Variants in DRD2 observed in about 807,000 individuals in gnomAD.
The protein encoded by DRD2 is dopamine receptor D2.
Under a neutral mutation model 38.0 loss-of-function variants are expected in DRD2, and 8 were observed. The ratio of observed to expected loss-of-function variants is 0.21; its 90% CI spans 0.12 to 0.38. The LOEUF is 0.38. Among genes scored for constraint, DRD2 ranks in the 10% least tolerant of loss-of-function variants. The probability of loss-of-function intolerance (pLI) is 1.00; values close to 1 mark genes in which losing one functional copy is unlikely to be tolerated. For missense variants in DRD2, 403 were observed against 607.7 expected (o/e 0.66, Z 3.54); for synonymous variants, 230 against 238.6 (o/e 0.96, Z 0.33).
chr11:113,414,689 A>C (rs1247853205), intron 5 of DRD2, among the ~76,000 whole-genome samples: 1 of 152,206 alleles, frequency 6.6e-6, no homozygotes, highest in Non-Finnish European at 1.5e-5. Flanking sequence ...AGCACCTGCT[A>C]AGGGCCTGGC....
chr11:113,441,878 G>A (rs1274576833), intron 1 of DRD2, among the ~76,000 whole-genome samples: 1 of 151,658 alleles, frequency 6.6e-6, no homozygotes, highest in Non-Finnish European at 1.5e-5. Context: ...AACCAGGGCG[G>A]TGGAGGTTGC....
intron 1 of DRD2, among the ~76,000 whole-genome samples, chr11:113,466,430 C>G (rs944243657): frequency 3.8e-5 from 2 of 51,996 alleles, no homozygotes; most frequent in African/African-American, 6.5e-5. Flanking sequence ...AACAGCCCCC[C>G]CAGTGCATTT....
chr11:113,414,459 G>T lies in DRD2; in HGVS notation c.726C>A (p.Gly242=). The T allele has an allele frequency of 6.2e-7, 1 of 1,614,176 alleles. No individual in the cohort carries two copies. The highest frequency in any genetic ancestry group is 8.5e-7 in the Non-Finnish European group (1 of 1,180,030). Residue 242 remains glycine (G), a splice_region_variant and synonymous_variant, in exon 6 of 8, where the codon GGC becomes GGA. Coordinates refer to ENST00000362072, the MANE Select transcript of DRD2 (RefSeq NM_000795.4). The part of the protein sequence containing the change: ...FRAHLRAPLK[G]NCTHPEDMKL... Reference sequence around the variant, plus strand: ...TCATGTCCTCGGGGTGAGTACAGTTGCCCTGTGGAGTGAGCCAGCACATGG... The same window carrying T: ...TCATGTCCTCGGGGTGAGTACAGTTTCCCTGTGGAGTGAGCCAGCACATGG...
chr11:113,474,813 G>T (rs1951464523), intron 1 of DRD2, among the ~76,000 whole-genome samples: 1 of 152,076 alleles, frequency 6.6e-6, no homozygotes, highest in African/African-American at 2.4e-5. Flanking sequence ...GCGCCCGCTC[G>T]TGCTCGGGGA....
intron 1 of DRD2, among the ~76,000 whole-genome samples, chr11:113,452,482 G>GCGCA (rs1951225262): frequency 1.0e-5 from 1 of 97,772 alleles, no homozygotes; most frequent in African/African-American, 3.0e-5. Context: ...GCGCGCGCGC[G>GCGCA]CGCGCACATT....
intron 1 of DRD2, among the ~76,000 whole-genome samples, chr11:113,441,630 G>T (rs1245512243): frequency 6.6e-6 from 1 of 152,136 alleles, no homozygotes; most frequent in Admixed American, 6.5e-5. Context: ...GGCACACACC[G>T]ATTGAAGAAA....
intron 1 of DRD2, among the ~76,000 whole-genome samples, chr11:113,431,269 C>T (rs1261896367): frequency 6.6e-6 from 1 of 152,202 alleles, no homozygotes; most frequent in Non-Finnish European, 1.5e-5. Context: ...GGCCTCACTC[C>T]AGGGGTGGCT....
chr11:113,411,053 CA>C (rs1950765281), intron 7 of DRD2, 133 bp from the exon 8 acceptor site: 2 of 980,292 alleles, frequency 2.0e-6, no homozygotes, highest in Admixed American at 5.1e-5. Context: ...AGGAGGAGTC[CA>C]GGTCTTGGAT....
intron 1 of DRD2, among the ~76,000 whole-genome samples, chr11:113,431,775 G>A (rs2138191444): frequency 6.6e-6 from 1 of 152,330 alleles, no homozygotes; most frequent in South Asian, 2.1e-4. Flanking sequence ...AGCAGCTTCT[G>A]CTATTCACCC....
intron 1 of DRD2, among the ~76,000 whole-genome samples, chr11:113,458,904 G>A (rs757553584): frequency 6.6e-6 from 1 of 152,156 alleles, no homozygotes; most frequent in African/African-American, 2.4e-5. Flanking sequence ...TGGGGGCAGC[G>A]ATGGGGCAGG....
intron 2 of DRD2, among the ~76,000 whole-genome samples, chr11:113,424,120 T>C (rs1032236263): frequency 2.6e-5 from 4 of 152,128 alleles, no homozygotes; most frequent in Admixed American, 2.6e-4. Flanking sequence ...TATAGGAAAA[T>C]GCTATATTTA....
intron 1 of DRD2, among the ~76,000 whole-genome samples, chr11:113,471,704 T>C (rs559013819): frequency 4.7e-4 from 72 of 152,260 alleles, no homozygotes; most frequent in African/African-American, 1.7e-3. Context: ...TTGGAAAAAG[T>C]TCTGTTTAGG....
chr11:113,410,684 C>G lies in DRD2; in HGVS notation c.*43G>C. On this transcript the variant is annotated 3_prime_UTR_variant, in exon 8 of 8. Transcript: ENST00000362072. ...CAAGGGTGAGGCTGGCCGGCCTGGG[C>G]AGGGAGGTGGGAAGCAGGCTGCTGT... 1 of 1,612,790 alleles carries G rather than the reference C, an allele frequency of 6.2e-7. No individual in the cohort carries two copies. Among genetic ancestry groups the G allele is most frequent in the Non-Finnish European group, 8.5e-7 (1 of 1,179,366 alleles).
At chr11:113,445,455 A>G (rs1458317651) in intron 1 of DRD2, among the ~76,000 whole-genome samples, 1 of 152,156 alleles carries the variant, frequency 6.6e-6, no homozygotes, top group Non-Finnish European at 1.5e-5. Flanking sequence ...GCATTCACAC[A>G]GGCACCTCCG....
At chr11:113,430,675 G>C (rs1334837696) in intron 1 of DRD2, among the ~76,000 whole-genome samples, 1 of 152,200 alleles carries the variant, frequency 6.6e-6, no homozygotes, top group African/African-American at 2.4e-5. Context: ...ATACACAAGT[G>C]AGTAGCTTCT....
At position 113,424,347 on chromosome 11, in the gene DRD2, C is replaced by T. The variant is rs1412183715; in HGVS notation, c.285+20G>A. ...GGCCCTGCTGGAGAAAGTGCTGGAG[C>T]AAGCAGGGGGCCCACCTACCTCCAG... On this transcript the variant is annotated intron_variant, in intron 2 of 7. Coordinates refer to ENST00000362072, the MANE Select transcript of DRD2 (RefSeq NM_000795.4). The T allele has an allele frequency of 6.2e-7, 1 of 1,612,868 alleles. No homozygotes were observed. Among genetic ancestry groups the T allele is most frequent in the Admixed American group, 1.7e-5 (1 of 59,880 alleles).
chr11:113,450,785 C>T (rs1482164768), intron 1 of DRD2, among the ~76,000 whole-genome samples: 1 of 152,152 alleles, frequency 6.6e-6, no homozygotes, highest in Non-Finnish European at 1.5e-5. Context: ...AGATTTGGTC[C>T]TCTTGAGGAA....
At chr11:113,461,423 C>A (rs973404670) in intron 1 of DRD2, among the ~76,000 whole-genome samples, 1 of 152,174 alleles carries the variant, frequency 6.6e-6, no homozygotes, top group Admixed American at 6.5e-5. Context: ...CCCTCCTTAC[C>A]CCTGCCTCCA....
intron 1 of DRD2, among the ~76,000 whole-genome samples, chr11:113,430,604 C>T (rs575970419): frequency 6.6e-6 from 1 of 152,256 alleles, no homozygotes; most frequent in Non-Finnish European, 1.5e-5. Context: ...CCATCCCTCC[C>T]TTTTGTCCTT....
Sources: gnomAD v4.1 joint callset for allele counts (sites outside exome capture counted in the v4.1 genomes callset) on GRCh38, gnomAD v4.1.1 for gene constraint, MANE v1.5 for transcripts, NCBI Gene and HGNC (gene_info 2026-07-23, HGNC 2026-07-21) for gene names.